The following KLF15 variants were observed in gnomAD, a reference collection of about 807,000 sequenced individuals.
The protein encoded by KLF15 is Krueppel-like factor 15.
Under a neutral mutation model 24.6 loss-of-function variants are expected in KLF15, and 4 were observed. The observed-to-expected ratio is 0.16, with a 90% CI of 0.08 to 0.37. The LOEUF (loss-of-function observed/expected upper bound fraction) is 0.37. Ranked by LOEUF, KLF15 falls within the 10% of genes least tolerant of loss-of-function variation. The pLI, the probability that KLF15 is intolerant of heterozygous loss-of-function variation, is 1.00. For synonymous variants in KLF15, 246 were observed against 236.3 expected, an observed-to-expected ratio of 1.04 and a Z score of -0.37; for missense variants, 496 against 560.6, an observed-to-expected ratio of 0.88 and a Z score of 1.16.
chr3:126,301,379 A>G, the KLF15 span, among the ~76,000 whole-genome samples: 1 of 152,194 alleles, frequency 6.6e-6, no homozygotes, highest in African/African-American at 2.4e-5. Flanking sequence ...CCCTCAAATC[A>G]GATCTGCTCT....
the KLF15 span, among the ~76,000 whole-genome samples, chr3:126,309,460 C>T: frequency 7.9e-5 from 12 of 152,328 alleles, no homozygotes; most frequent in African/African-American, 1.2e-4. Flanking sequence ...ACCCATGTGG[C>T]GACAGATTCG....
the KLF15 span, among the ~76,000 whole-genome samples, chr3:126,318,965 C>T: frequency 6.6e-6 from 1 of 152,192 alleles, no homozygotes; most frequent in Non-Finnish European, 1.5e-5. Context: ...TTCATCCCTC[C>T]CTCTCCCATA....
chr3:126,308,311 C>T, the KLF15 span, among the ~76,000 whole-genome samples: 4 of 152,194 alleles, frequency 2.6e-5, no homozygotes, highest in Admixed American at 2.6e-4. Context: ...GCAGAATTGA[C>T]CCAAGATGGG....
the KLF15 span, among the ~76,000 whole-genome samples, chr3:126,307,904 C>A: frequency 3.9e-5 from 6 of 152,164 alleles, no homozygotes; most frequent in African/African-American, 1.4e-4. Flanking sequence ...TGGTGAGAAC[C>A]TCCTTAGCCC....
chr3:126,351,748 T>C (rs954318223), intron 2 of KLF15, 93 bp downstream of exon 2: 3 of 731,656 alleles, frequency 4.1e-6, no homozygotes, highest in Admixed American at 2.7e-5. Flanking sequence ...ATCTACCTTC[T>C]GTTAATGGTG....
chr3:126,321,261 C>A, the KLF15 span, among the ~76,000 whole-genome samples: 1 of 152,206 alleles, frequency 6.6e-6, no homozygotes, highest in Admixed American at 6.5e-5. Context: ...GAGGAAGAAT[C>A]GCCCCTGAAC....
At chr3:126,315,113 G>T in the KLF15 span, among the ~76,000 whole-genome samples, 1 of 152,180 alleles carries the variant, frequency 6.6e-6, no homozygotes, top group African/African-American at 2.4e-5. Context: ...CTGTCACCCT[G>T]ATCTCCACCT....
At chr3:126,331,297 C>G in the KLF15 span, among the ~76,000 whole-genome samples, 1 of 152,284 alleles carries the variant, frequency 6.6e-6, no homozygotes, top group East Asian at 1.9e-4. Flanking sequence ...TGATTAGCTT[C>G]CTCTCTGGGA....
At position 126,343,766 on chromosome 3, in the gene KLF15, G is replaced by C; in HGVS notation, c.1212C>G (p.Arg404=). The C allele has an allele frequency of 6.2e-7, 1 of 1,611,924 alleles. No individual in the cohort carries two copies. The highest frequency in any genetic ancestry group is 8.5e-7 in the Non-Finnish European group (1 of 1,179,878). The stretch of plus-strand genomic sequence containing the variant: ...GCACGGAGCGGCTGCTCCGCGGGAA[G>C]CGGTGCACCTTGATGTGCTTGGAGA... The part of the protein sequence containing the change: ...DHLSKHIKVH[R]FPRSSRSVRS... Residue 404 remains arginine (R), a synonymous_variant, in exon 3 of 3, where the codon CGC becomes CGG. Coordinates refer to ENST00000296233, the MANE Select transcript of KLF15 (RefSeq NM_014079.4).
At chr3:126,328,954 G>A in the KLF15 span, among the ~76,000 whole-genome samples, 1 of 152,148 alleles carries the variant, frequency 6.6e-6, no homozygotes, top group African/African-American at 2.4e-5. Context: ...AGATATATTC[G>A]GATTGTTGAC....
chr3:126,307,254 T>A, the KLF15 span, among the ~76,000 whole-genome samples: 4 of 152,104 alleles, frequency 2.6e-5, no homozygotes, highest in African/African-American at 9.7e-5. Flanking sequence ...GCACCCTTCC[T>A]GGGTCACCGG....
the KLF15 span, among the ~76,000 whole-genome samples, chr3:126,303,122 T>C: frequency 6.6e-6 from 1 of 152,156 alleles, no homozygotes; most frequent in Non-Finnish European, 1.5e-5. Context: ...TTATTTACAT[T>C]AGCCTTTACA....
the KLF15 span, among the ~76,000 whole-genome samples, chr3:126,327,416 G>A: frequency 6.6e-6 from 1 of 152,210 alleles, no homozygotes; most frequent in Non-Finnish European, 1.5e-5. Flanking sequence ...CTGTCCCTCA[G>A]GGAGCTGGAA....
In KLF15 at chr3:126,352,589, C is replaced by T. The variant is rs1693932565; in HGVS notation, c.334G>A (p.Ala112Thr). Residue 112 changes from alanine to threonine, a missense_variant, in exon 2 of 3, where the codon GCG becomes ACG. By Grantham distance (58) the Ala-to-Thr change is moderately conservative. Coordinates refer to ENST00000296233, the MANE Select transcript of KLF15 (RefSeq NM_014079.4). ...AAATGCTCCCCCTTCACAGGGGCCG[C>T]TGCCCTTCGCCAGGGCCCCCAGGCC... Reference protein sequence around the residue: ...PVAWGPWRRAAAPVKGEHFCL... With the variant: ...PVAWGPWRRATAPVKGEHFCL... The T allele has an allele frequency of 3.7e-6, 6 of 1,612,008 alleles. No individual in the cohort carries two copies. The highest frequency in any genetic ancestry group is 4.2e-6 in the Non-Finnish European group (5 of 1,179,694).
At chr3:126,322,669 A>G in the KLF15 span, among the ~76,000 whole-genome samples, 2 of 152,234 alleles carry the variant, frequency 1.3e-5, no homozygotes, top group East Asian at 1.9e-4. Context: ...GTGAAGGTCC[A>G]CCATAGTACC....
the KLF15 span, among the ~76,000 whole-genome samples, chr3:126,318,176 T>C: frequency 0.015 from 2,341 of 152,292 alleles, 47 homozygotes; most frequent in Admixed American, 0.043. Flanking sequence ...TTTCATGCTA[T>C]GCAACTTTGC....
At chr3:126,298,420 G>GATTATTATT in the KLF15 span, among the ~76,000 whole-genome samples, 24,184 of 146,144 alleles carry the variant, frequency 0.17, 2,212 homozygotes, top group East Asian at 0.22. Flanking sequence ...TTACTCTGCT[G>GATTATTATT]ATTATTATTA....
chr3:126,338,716 CG>C (rs1351748058), downstream of KLF15, among the ~76,000 whole-genome samples: 8 of 152,228 alleles, frequency 5.3e-5, no homozygotes, highest in African/African-American at 1.9e-4. Flanking sequence ...ATGATTTAGA[CG>C]TATTTCTGCA....
the KLF15 span, among the ~76,000 whole-genome samples, chr3:126,292,417 C>T: frequency 6.6e-6 from 1 of 152,192 alleles, no homozygotes; most frequent in Admixed American, 6.5e-5. Context: ...TGCTGCTCCC[C>T]ACGGGAGGGC....
Sources: allele counts gnomAD v4.1 joint callset (sites outside exome capture counted in the v4.1 genomes callset), GRCh38; gene constraint gnomAD v4.1.1; transcripts MANE v1.5; gene names NCBI Gene and HGNC (gene_info 2026-07-23, HGNC 2026-07-21).